THSD7A: variants seen among roughly 807,000 people sequenced by gnomAD.
THSD7A encodes the protein thrombospondin type 1 domain containing 7A.
A neutral mutation model predicts 231.3 loss-of-function variants in THSD7A; 96 were observed. That is an observed-to-expected ratio of 0.41 (90% CI 0.35 to 0.49). The LOEUF (loss-of-function observed/expected upper bound fraction) is 0.49. Ranked by LOEUF, THSD7A falls within the 20% of genes least tolerant of loss-of-function variation. The pLI is 0.05. For synonymous variants in THSD7A, 940 were observed against 743.3 expected, an observed-to-expected ratio of 1.26 and a Z score of -4.30; for missense variants, 2,290 against 2,070.2, an observed-to-expected ratio of 1.11 and a Z score of -2.06.
At chr7:11,502,419 G>A (rs528246732) in intron 6 of THSD7A, among the ~76,000 whole-genome samples, 6 of 152,074 alleles carry the variant, frequency 3.9e-5, no homozygotes, top group South Asian at 4.1e-4. Context: ...CCAGCAGCAC[G>A]TCAAAAACTA....
chr7:11,579,848 C>T (rs1312386019), intron 4 of THSD7A, among the ~76,000 whole-genome samples: 1 of 152,104 alleles, frequency 6.6e-6, no homozygotes, highest in Admixed American at 6.6e-5. Flanking sequence ...GAAAACAAGG[C>T]TTTTCAAGAA....
rs750574941 is a variant in THSD7A, at chr7:11,373,760, G to T, written c.*2034C>A. 5 of 151,996 alleles carry T rather than the reference G, an allele frequency of 3.3e-5. No individual in the cohort carries two copies. The highest frequency in any genetic ancestry group is 7.4e-5 in the Non-Finnish European group (5 of 67,976). 9.4% of individuals were successfully genotyped at this position (151,996 alleles called of 1,614,324 possible). A position where few individuals can be genotyped will look rare whatever the true frequency, so the allele number is the denominator to read the frequency against. ...GGGGAGTTCATACTCCAGTATGAAG[G>T]TAAAAATACCTTCTAATCCAAAACA... On this transcript the variant is annotated 3_prime_UTR_variant, in exon 28 of 28. Coordinates refer to ENST00000423059, the MANE Select transcript of THSD7A (RefSeq NM_015204.3).
intron 1 of THSD7A, among the ~76,000 whole-genome samples, chr7:11,805,057 T>C (rs945300662): frequency 6.6e-6 from 1 of 152,138 alleles, no homozygotes; most frequent in Non-Finnish European, 1.5e-5. Flanking sequence ...AGGGCCGATA[T>C]TGTAGTCATT....
rs1454111371 is a variant in THSD7A at position 11,632,793 on chromosome 7, A to C, written c.1022+3337T>G. On this transcript the variant is annotated intron_variant, in intron 2 of 27. Transcript: ENST00000423059. The surrounding 1 kb of genome is among the most constrained non-coding windows in gnomAD (Gnocchi z 4.1). ...TCATTATTTCAACTTCTTCTTGCAGAATATTAGTCTTGTACAATTTCGATG... is the reference window on the plus strand; with the variant it reads ...TCATTATTTCAACTTCTTCTTGCAGCATATTAGTCTTGTACAATTTCGATG... 1.3e-5 allele frequency among the ~76,000 whole-genome samples: 2 copies of C among 152,168 alleles called. No individual in the cohort carries two copies.
Position 11,374,625 on chromosome 7 carries a change from C to CTTTT in THSD7A, c.*1165_*1168dup, listed in dbSNP as rs574299995. Reference sequence around the variant, plus strand: ...TTAAAAAGACATCCAGTTCCTTTTTCTTTTTTTTTCTTAACAAAGATAACA... The same window carrying CTTTT: ...TTAAAAAGACATCCAGTTCCTTTTTCTTTTTTTTTTTTTCTTAACAAAGATAACA... On this transcript the variant is annotated 3_prime_UTR_variant, in exon 28 of 28. Coordinates refer to ENST00000423059, the MANE Select transcript of THSD7A (RefSeq NM_015204.3). 17 of 81,660 alleles carry CTTTT rather than the reference C, an allele frequency of 2.1e-4. No individual in the cohort carries two copies. Among genetic ancestry groups the CTTTT allele is most frequent in the Admixed American group, 2.0e-3 (17 of 8,600 alleles). 5.1% of individuals were successfully genotyped at this position (81,660 alleles called of 1,614,324 possible).
rs201292204 is a variant in THSD7A at position 11,543,052 on chromosome 7, T to C, written c.1519A>G (p.Ile507Val). ...PIPNTTQLCH[I>V]PCPTECEVSP... ...ACTTCACATTCAGTTGGACAAGGAA[T>C]GTGGCACAGCTGTGTAGTATTAGGG... The change falls in exon 5 of 28, where the codon ATT becomes GTT. Residue 507 changes from isoleucine (I) to valine (V), a missense_variant. By Grantham distance (29) the Ile-to-Val change is conservative. Coordinates refer to ENST00000423059, the MANE Select transcript of THSD7A (RefSeq NM_015204.3). The C allele has an allele frequency of 5.0e-6, 8 of 1,613,880 alleles. 1 individual carries two copies. The African/African-American group carries it at 8.0e-5, about 16-fold the overall frequency.
chr7:11,399,858 A>G (rs559075533), intron 23 of THSD7A, among the ~76,000 whole-genome samples: 8 of 152,306 alleles, frequency 5.3e-5, no homozygotes, highest in African/African-American at 1.7e-4. Flanking sequence ...AGACACATGC[A>G]CACATACGTT....
At chr7:11,541,754 G>A (rs10250564) in intron 5 of THSD7A, 123 bp from the exon 6 acceptor site, 223,504 of 856,386 alleles carry the variant, frequency 0.26, 31,400 homozygotes, top group African/African-American at 0.51. Context: ...TCTGTTTTGA[G>A]TCACTGGTGT....
chr7:11,546,090 G>C (rs529051240), intron 4 of THSD7A, among the ~76,000 whole-genome samples: 70 of 152,254 alleles, frequency 4.6e-4, no homozygotes, highest in African/African-American at 1.5e-3. Flanking sequence ...CACCATTAGA[G>C]AGCTTCTGCA....
intron 4 of THSD7A, among the ~76,000 whole-genome samples, chr7:11,575,799 T>G (rs1284984244): frequency 6.6e-6 from 1 of 152,216 alleles, no homozygotes; most frequent in Non-Finnish European, 1.5e-5. Context: ...ACTTTGATAT[T>G]TCTACTAGTG....
intron 13 of THSD7A, among the ~76,000 whole-genome samples, chr7:11,436,844 A>G (rs1221105762): frequency 6.6e-6 from 1 of 151,994 alleles, no homozygotes; most frequent in Admixed American, 6.6e-5. Flanking sequence ...AATTTCAACA[A>G]AGGGAGGGGA....
At chr7:11,683,067 G>A (rs1783928088) in intron 1 of THSD7A, among the ~76,000 whole-genome samples, 1 of 149,884 alleles carries the variant, frequency 6.7e-6, no homozygotes, top group Non-Finnish European at 1.5e-5. Flanking sequence ...TTTGCAGTGA[G>A]CCGAGATCAT....
chr7:11,511,753 C>G (rs1030300249), intron 6 of THSD7A, among the ~76,000 whole-genome samples: 2 of 152,182 alleles, frequency 1.3e-5, no homozygotes, highest in African/African-American at 2.4e-5. Flanking sequence ...GAAACTGGAT[C>G]CCTTCCTTAA....
chr7:11,753,945 A>G (rs1350771229), intron 1 of THSD7A, among the ~76,000 whole-genome samples: 1 of 152,020 alleles, frequency 6.6e-6, no homozygotes, highest in Non-Finnish European at 1.5e-5. Context: ...AAACAACAGC[A>G]ACAACAACAA....
At chr7:11,610,811 G>A (rs1163239708) in intron 2 of THSD7A, among the ~76,000 whole-genome samples, 1 of 152,066 alleles carries the variant, frequency 6.6e-6, no homozygotes, top group Admixed American at 6.5e-5. Flanking sequence ...TAGAATATTT[G>A]TTCAACTTAA....
At chr7:11,635,225 G>C (rs1781791057) in intron 2 of THSD7A, among the ~76,000 whole-genome samples, 1 of 152,042 alleles carries the variant, frequency 6.6e-6, no homozygotes, top group South Asian at 2.1e-4. Context: ...CATTTCTACA[G>C]TAAATCTGAT....
At chr7:11,665,551 T>C (rs1470113372) in intron 1 of THSD7A, among the ~76,000 whole-genome samples, 1 of 152,166 alleles carries the variant, frequency 6.6e-6, no homozygotes, top group Non-Finnish European at 1.5e-5. Context: ...TGACAATTAC[T>C]ACCCTTCCAC....
rs545853425 is a variant in THSD7A at position 11,560,620 on chromosome 7, C to T, written c.1454-17503G>A. On this transcript the variant is annotated intron_variant, in intron 4 of 27. Coordinates refer to ENST00000423059, the MANE Select transcript of THSD7A (RefSeq NM_015204.3). ...ATACCCAGTCGTAGAATTATTCTTG[C>T]TCCCTTATAGCATGCAACCCATGCA... Among the ~76,000 whole-genome samples the T allele has an allele frequency of 1.2e-4, 19 of 152,192 alleles. No homozygotes were observed. In the South Asian group the frequency reaches 2.1e-3, roughly 17 times the overall value.
chr7:11,502,817 T>C (rs775988433), intron 6 of THSD7A, among the ~76,000 whole-genome samples: 3 of 151,966 alleles, frequency 2.0e-5, no homozygotes, highest in Non-Finnish European at 4.4e-5. Flanking sequence ...CACAAACAAA[T>C]GGAAAAACAT....
Sources: allele counts gnomAD v4.1 joint callset (sites outside exome capture counted in the v4.1 genomes callset), GRCh38; gene constraint gnomAD v4.1.1; non-coding constraint Gnocchi (gnomAD v3.1); transcripts MANE v1.5; gene names NCBI Gene and HGNC (gene_info 2026-07-23, HGNC 2026-07-21).